The following TIMM17B variants were observed in gnomAD, a reference collection of about 807,000 sequenced individuals.
TIMM17B encodes the protein mitochondrial import inner membrane translocase subunit Tim17-B.
In TIMM17B, 10 loss-of-function variants were observed where a neutral mutation model predicts 15.9. That is an observed-to-expected ratio of 0.63 (90% confidence interval 0.39 to 1.06). The LOEUF (loss-of-function observed/expected upper bound fraction) is 1.06, where lower values mean the gene tolerates loss of function less well. Among genes scored for constraint, TIMM17B ranks in the 50% least tolerant of loss-of-function variants. TIMM17B has a pLI of 0.01. For synonymous variants in TIMM17B, 57 were observed against 57.2 expected (o/e 1.00, Z 0.02); for missense variants, 114 against 152.2 (o/e 0.75, Z 1.32).
rs904417501 is a variant in TIMM17B, at chrX:48,895,849, G to A, written c.127-748C>T. 1.7e-5 allele frequency: 3 copies of A among 180,623 alleles called. No homozygotes were observed. In the South Asian group the frequency reaches 4.4e-4, roughly 26 times the overall value. The allele number at this position is 180,623 out of a possible 1,213,427, so 14.9% of individuals were successfully genotyped here. A position where few individuals can be genotyped will look rare whatever the true frequency, so the allele number is the denominator to read the frequency against. On this transcript the variant is annotated intron_variant, in intron 3 of 6. Coordinates refer to ENST00000376582, the Ensembl canonical transcript of TIMM17B. ...TATCCGGGTTTCTGAGCCAGAATCT[G>A]CCTCTAGGTAAAATGCGCAGTGGCT...
exon 1 of TIMM17B, chrX:48,898,138 C>T: frequency 9.8e-7 from 1 of 1,022,094 alleles, no homozygotes; most frequent in South Asian, 2.4e-5. Context: ...GCCCTCTGCT[C>T]CCCCATCCCA....
chrX:48,898,090 T>G (rs1434599380), exon 1 of TIMM17B: 26 of 1,021,683 alleles, frequency 2.5e-5, no homozygotes, highest in Non-Finnish European at 3.1e-5. Context: ...TTGGTAACGT[T>G]GGGGTGGGTG....
chrX:48,895,661 T>G, intron 3 of TIMM17B: 1 of 396,608 alleles, frequency 2.5e-6, no homozygotes, highest in East Asian at 3.8e-5. Flanking sequence ...CGGGGCTACA[T>G]ATATAAATTG....
At chrX:48,897,861 A>G in intron 1 of TIMM17B, 93 bp from the exon 1 acceptor site, 3 of 1,049,223 alleles carry the variant, frequency 2.9e-6, no homozygotes, top group South Asian at 4.1e-5. Context: ...ACCGCATGTC[A>G]CGCCAAGGAC....
intron 3 of TIMM17B, chrX:48,896,102 T>C (rs1557039432): frequency 1.1e-5 from 1 of 94,125 alleles, no homozygotes; most frequent in East Asian, 3.4e-4. Context: ...TAGTGACCCA[T>C]GATCAGGCCA....
chrX:48,894,038 A>G (rs782031736), intron 5 of TIMM17B, 28 bp from the exon 5 acceptor site: 1 of 1,197,047 alleles, frequency 8.4e-7, no homozygotes, highest in Non-Finnish European at 1.1e-6. Context: ...AGAGAAACAG[A>G]GGTGAGAGCA....
intron 2 of TIMM17B, 77 bp downstream of exon 1, chrX:48,897,647 A>G: frequency 1.1e-6 from 1 of 876,841 alleles, no homozygotes; most frequent in East Asian, 3.2e-5. Context: ...TGTGCGGCCG[A>G]TGCCTCCCCC....
In TIMM17B at chrX:48,897,946, C is replaced by T. The variant is rs186906941; in HGVS notation, c.-73+121G>A. The T allele has an allele frequency of 1.7e-5, 15 of 880,988 alleles. No individual in the cohort carries two copies. The South Asian group carries it at 2.3e-4, about 14-fold the overall frequency. The allele number at this position is 880,988 out of a possible 1,213,427, so 72.6% of individuals were successfully genotyped here. A position where few individuals can be genotyped will look rare whatever the true frequency, so the allele number is the denominator to read the frequency against. Reference sequence around the variant, plus strand: ...AGCGTAGTCCAGTTACTTTCAGGCTCGGGGAGTGAAGGCCTCGTTGAGAGA... The same window carrying T: ...AGCGTAGTCCAGTTACTTTCAGGCTTGGGGAGTGAAGGCCTCGTTGAGAGA... On this transcript the variant is annotated intron_variant, in intron 1 of 6. Coordinates refer to ENST00000376582, the Ensembl canonical transcript of TIMM17B.
exon 6 of TIMM17B, chrX:48,893,942 C>T: frequency 1.7e-6 from 2 of 1,210,772 alleles, no homozygotes; most frequent in South Asian, 3.5e-5. Context: ...AGGAGGATGC[C>T]AACGCCCTCA....
At chrX:48,897,468 T>G in intron 2 of TIMM17B, 1 of 409,229 alleles carries the variant, frequency 2.4e-6, no homozygotes, top group Admixed American at 4.3e-5. Context: ...AGCGTGTCTT[T>G]TTTCGTTAAC....
At chrX:48,894,794 G>A (rs1557039221) in intron 4 of TIMM17B, among the ~76,000 whole-genome samples, 1 of 111,454 alleles carries the variant, frequency 9.0e-6, no homozygotes, top group Non-Finnish European at 1.9e-5. Flanking sequence ...CGGTACAAGT[G>A]AGGTTCAGAG....
chrX:48,893,883 G>A lies in TIMM17B; in HGVS notation c.430+17C>T, dbSNP rs781983351. The stretch of plus-strand genomic sequence containing the variant: ...CAGGTGGAGTATTTCCCACTCCCCC[G>A]ACCACCAGTTACTCACCATTTCGGA... On this transcript the variant is annotated intron_variant, in intron 6 of 6. Coordinates refer to ENST00000376582, the Ensembl canonical transcript of TIMM17B. 1.2e-5 allele frequency: 14 copies of A among 1,195,490 alleles called. No homozygotes were observed. The highest frequency in any genetic ancestry group is 2.2e-5 in the Admixed American group (1 of 45,186).
At chrX:48,897,341 A>G in intron 2 of TIMM17B, 1 of 244,719 alleles carries the variant, frequency 4.1e-6, no homozygotes, top group Non-Finnish European at 7.4e-6. Flanking sequence ...CCGGCCCTCA[A>G]CAGGTTCATC....
Position 48,897,706 on chromosome X carries a change from C to T in TIMM17B, c.26+18G>A, listed in dbSNP as rs782534043. On this transcript the variant is annotated intron_variant, in intron 2 of 6. Coordinates refer to ENST00000376582, the Ensembl canonical transcript of TIMM17B. ...GGCGTCGCAGCAATATTCCGGATGCCTGTGCCCATTGCCGTACCAGGGCTC... is the reference window on the plus strand; with the variant it reads ...GGCGTCGCAGCAATATTCCGGATGCTTGTGCCCATTGCCGTACCAGGGCTC... 5.9e-6 allele frequency: 7 copies of T among 1,192,437 alleles called. No homozygotes were observed. Among genetic ancestry groups the T allele is most frequent in the African/African-American group, 1.8e-5 (1 of 57,017 alleles).
exon 6 of TIMM17B, chrX:48,893,900 C>T (rs1557039079): frequency 8.3e-7 from 1 of 1,205,392 alleles, no homozygotes; most frequent in Admixed American, 2.2e-5. Flanking sequence ...AGTTACTCAC[C>T]ATTTCGGAAC....
chrX:48,898,135 G>A, exon 1 of TIMM17B: 1 of 1,020,259 alleles, frequency 9.8e-7, no homozygotes, highest in Non-Finnish European at 1.3e-6. Context: ...GCTGCCCTCT[G>A]CTCCCCCATC....
At chrX:48,895,292 G>A (rs1460665516) in intron 3 of TIMM17B, 191 bp from the exon 3 acceptor site, 6 of 500,639 alleles carry the variant, frequency 1.2e-5, no homozygotes, top group East Asian at 3.6e-5. Context: ...GTTGAGAAGT[G>A]CTAATTCATT....
intron 4 of TIMM17B, among the ~76,000 whole-genome samples, chrX:48,894,712 G>A (rs1199149624): frequency 9.0e-6 from 1 of 111,721 alleles, no homozygotes; most frequent in Admixed American, 9.6e-5. Flanking sequence ...ATAGCAACCA[G>A]CACTTAGTAG....
chrX:48,895,497 C>T (rs782760022), intron 3 of TIMM17B: 10 of 513,619 alleles, frequency 1.9e-5, no homozygotes, highest in South Asian at 1.7e-4. Flanking sequence ...AGACAGCAAT[C>T]TGCACTGTAG....
Sources: allele counts gnomAD v4.1 joint callset (sites outside exome capture counted in the v4.1 genomes callset), GRCh38; gene constraint gnomAD v4.1.1; transcripts MANE v1.5; gene names NCBI Gene and HGNC (gene_info 2026-07-23, HGNC 2026-07-21).